NDST3: variants seen among roughly 807,000 people sequenced by gnomAD.
NDST3 encodes the protein N-deacetylase and N-sulfotransferase 3.
A neutral mutation model predicts 96.1 loss-of-function variants in NDST3; 58 were observed. That is an observed-to-expected ratio of 0.60 (90% CI 0.49 to 0.75). NDST3 has a LOEUF of 0.75. Among genes scored for constraint, NDST3 ranks in the 30% least tolerant of loss-of-function variants. The probability of loss-of-function intolerance (pLI) is 0.00; values close to 1 mark genes in which losing one functional copy is unlikely to be tolerated. For synonymous variants in NDST3, 333 were observed against 359.7 expected (o/e 0.93, Z 0.84); for missense variants, 788 against 1,034.2 (o/e 0.76, Z 3.27).
rs1560622229 is a variant in NDST3 at position 118,070,644 on chromosome 4, A to ATTTTTTTTTTTTTTTT, written c.981+15755_981+15756insTTTTTTTTTTTTTTTT. On this transcript the variant is annotated intron_variant, in intron 2 of 13. Transcript: ENST00000296499. ...ACCCTCAATTCTGTAGACCTCAACC[A>ATTTTTTTTTTTTTTTT]TTCTTTTTTTTTTTTTTGTACACTT... Among the ~76,000 whole-genome samples, 2 of 140,790 alleles carry ATTTTTTTTTTTTTTTT rather than the reference A, an allele frequency of 1.4e-5. 1 individual carries two copies. The allele number at this position is 140,790 out of a possible 152,430, so 92.4% of individuals were successfully genotyped here. A position where few individuals can be genotyped will look rare whatever the true frequency, so the allele number is the denominator to read the frequency against.
chr4:118,141,851 T>C (rs1733598144), intron 5 of NDST3, among the ~76,000 whole-genome samples: 1 of 152,158 alleles, frequency 6.6e-6, no homozygotes, highest in Non-Finnish European at 1.5e-5. Flanking sequence ...AACTAGGATA[T>C]GGATCTAGTA....
At chr4:118,188,265 TATAA>T (rs1233039616) in intron 6 of NDST3, among the ~76,000 whole-genome samples, 2 of 148,952 alleles carry the variant, frequency 1.3e-5, no homozygotes, top group African/African-American at 4.9e-5. Context: ...TTACACCACC[TATAA>T]ATATCATTAA....
chr4:118,156,975 A>G lies in NDST3; in HGVS notation c.1539+13291A>G, dbSNP rs1179455327. On this transcript the variant is annotated intron_variant, in intron 6 of 13. Coordinates refer to ENST00000296499, the MANE Select transcript of NDST3 (RefSeq NM_004784.3). The stretch of plus-strand genomic sequence containing the variant: ...TTAAAGAAGGAATTACCACAAAGTC[A>G]ATTTTTTAATGAACAATCTGAGTGC... Among the ~76,000 whole-genome samples, 3 of 152,214 alleles carry G rather than the reference A, an allele frequency of 2.0e-5. No individual in the cohort carries two copies. In the East Asian group the frequency reaches 5.8e-4, roughly 29 times the overall value.
chr4:118,035,083 C>G (rs570930081), intron 1 of NDST3, among the ~76,000 whole-genome samples: 17 of 152,176 alleles, frequency 1.1e-4, no homozygotes, highest in African/African-American at 4.1e-4. Flanking sequence ...GTATCAAATA[C>G]AGAAACTTTA....
At chr4:118,114,178 C>T (rs771803806) in intron 3 of NDST3, among the ~76,000 whole-genome samples, 7 of 152,124 alleles carry the variant, frequency 4.6e-5, no homozygotes, top group Non-Finnish European at 1.0e-4. Context: ...CACCAAGGAG[C>T]AGCTTGGATT....
chr4:118,246,404 G>A (rs1256444990), intron 12 of NDST3, among the ~76,000 whole-genome samples: 1 of 152,078 alleles, frequency 6.6e-6, no homozygotes, highest in African/African-American at 2.4e-5. Flanking sequence ...TCAGGAGTTC[G>A]AGACCAGCCT....
chr4:118,180,518 C>T (rs1736542672), intron 6 of NDST3, among the ~76,000 whole-genome samples: 1 of 152,074 alleles, frequency 6.6e-6, no homozygotes, highest in Non-Finnish European at 1.5e-5. Context: ...ACTTAGGAGA[C>T]AATTCAGTAG....
chr4:118,168,114 A>G (rs1735679425), intron 6 of NDST3, among the ~76,000 whole-genome samples: 1 of 151,992 alleles, frequency 6.6e-6, no homozygotes, highest in African/African-American at 2.4e-5. Flanking sequence ...TAAAATAACC[A>G]ACTGAGGGAA....
At chr4:118,180,345 G>A (rs561665868) in intron 6 of NDST3, among the ~76,000 whole-genome samples, 10 of 152,134 alleles carry the variant, frequency 6.6e-5, no homozygotes, top group Non-Finnish European at 1.2e-4. Flanking sequence ...TTATAAGTGA[G>A]AATATGTGGT....
chr4:118,152,501 T>G (rs1481739264), intron 6 of NDST3, among the ~76,000 whole-genome samples: 1 of 152,200 alleles, frequency 6.6e-6, no homozygotes, highest in African/African-American at 2.4e-5. Context: ...CATTTAATTT[T>G]TCTGGACCAC....
At chr4:118,080,565 A>G (rs935237822) in intron 2 of NDST3, among the ~76,000 whole-genome samples, 1 of 152,150 alleles carries the variant, frequency 6.6e-6, no homozygotes, top group African/African-American at 2.4e-5. Flanking sequence ...AAATTAATTC[A>G]CGAAAGTCTC....
intron 6 of NDST3, among the ~76,000 whole-genome samples, chr4:118,222,583 A>G (rs969084951): frequency 2.0e-5 from 3 of 152,008 alleles, no homozygotes; most frequent in Non-Finnish European, 2.9e-5. Context: ...GCATTATATT[A>G]AAGTGGGAAT....
chr4:118,188,956 A>G (rs901845523), intron 6 of NDST3, among the ~76,000 whole-genome samples: 1 of 152,200 alleles, frequency 6.6e-6, no homozygotes, highest in Non-Finnish European at 1.5e-5. Flanking sequence ...AAATAACTTC[A>G]CATAATAACC....
At chr4:118,247,492 C>T (rs1741394732) in intron 12 of NDST3, among the ~76,000 whole-genome samples, 3 of 151,982 alleles carry the variant, frequency 2.0e-5, no homozygotes, top group African/African-American at 7.3e-5. Flanking sequence ...GTGGAGGTTG[C>T]AGTGAGCCAA....
At chr4:118,128,657 T>G (rs1461060165) in intron 4 of NDST3, among the ~76,000 whole-genome samples, 3 of 152,024 alleles carry the variant, frequency 2.0e-5, no homozygotes, top group Non-Finnish European at 4.4e-5. Flanking sequence ...CTTTTTTTGA[T>G]GTGTCTTTAT....
chr4:118,064,342 G>C (rs1726133821), intron 2 of NDST3, among the ~76,000 whole-genome samples: 1 of 152,098 alleles, frequency 6.6e-6, no homozygotes, highest in Non-Finnish European at 1.5e-5. Context: ...ACATGAATTA[G>C]TAGCTAAAGC....
chr4:118,142,272 T>G (rs1733626224), intron 5 of NDST3, among the ~76,000 whole-genome samples: 1 of 151,864 alleles, frequency 6.6e-6, no homozygotes, highest in African/African-American at 2.4e-5. Context: ...ATATAACTTC[T>G]ACCAACTTAC....
chr4:118,187,037 G>A (rs1737010724), intron 6 of NDST3, among the ~76,000 whole-genome samples: 2 of 152,158 alleles, frequency 1.3e-5, no homozygotes, highest in South Asian at 4.1e-4. Context: ...TTTTTAGCCA[G>A]AGTCCCCATG....
At chr4:118,056,878 C>T (rs999644479) in intron 2 of NDST3, among the ~76,000 whole-genome samples, 3 of 151,816 alleles carry the variant, frequency 2.0e-5, no homozygotes, top group Non-Finnish European at 2.9e-5. Context: ...GCAAACATAT[C>T]GACACAGTTT....
Sources: allele counts gnomAD v4.1 joint callset (sites outside exome capture counted in the v4.1 genomes callset), GRCh38; gene constraint gnomAD v4.1.1; transcripts MANE v1.5; gene names NCBI Gene and HGNC (gene_info 2026-07-23, HGNC 2026-07-21).